PIP5K1B: variants seen among roughly 807,000 people sequenced by gnomAD.
The protein encoded by PIP5K1B is phosphatidylinositol-4-phosphate 5-kinase type 1 beta, also known as phosphatidylinositol 4-phosphate 5-kinase type-1 beta.
In PIP5K1B, 42 loss-of-function variants were observed where a neutral mutation model predicts 67.0. That is an observed-to-expected ratio of 0.63 (90% CI 0.49 to 0.81). The LOEUF is 0.81. PIP5K1B is among the 30% of genes least tolerant of loss of function. PIP5K1B has a pLI of 0.00. For missense variants in PIP5K1B, 459 were observed against 646.3 expected, an observed-to-expected ratio of 0.71 and a Z score of 3.14; for synonymous variants, 214 against 231.4, an observed-to-expected ratio of 0.92 and a Z score of 0.68.
At position 68,705,606 on chromosome 9, in the gene PIP5K1B, C is replaced by T. The variant is rs1041123346; in HGVS notation, c.-399C>T. The T allele has an allele frequency of 1.4e-5, 2 of 144,262 alleles. No homozygotes were observed. The highest frequency in any genetic ancestry group is 3.1e-5 in the Non-Finnish European group (2 of 64,646). The allele number at this position is 144,262 out of a possible 1,614,324, so 8.9% of individuals were successfully genotyped here. A position where few individuals can be genotyped will look rare whatever the true frequency, so the allele number is the denominator to read the frequency against. Reference sequence around the variant, plus strand: ...GCGTTGCCCCCGGCCCCGGCCCCGCCCGCCGCCCCCTCCGCCCTCCCGCCC... The same window carrying T: ...GCGTTGCCCCCGGCCCCGGCCCCGCTCGCCGCCCCCTCCGCCCTCCCGCCC... On this transcript the variant is annotated 5_prime_UTR_variant, in exon 1 of 16. Transcript: ENST00000265382.
chr9:68,760,696 C>T (rs1830146118), intron 2 of PIP5K1B, among the ~76,000 whole-genome samples: 4 of 152,048 alleles, frequency 2.6e-5, no homozygotes, highest in African/African-American at 9.7e-5. Context: ...AGACTGTAAG[C>T]TCCTTGAGTC....
intron 14 of PIP5K1B, among the ~76,000 whole-genome samples, chr9:68,988,695 C>T (rs1337915651): frequency 2.6e-5 from 4 of 152,040 alleles, no homozygotes; most frequent in Admixed American, 6.5e-5. Flanking sequence ...AGATGATCTG[C>T]CCGCCTTGGC....
At chr9:68,735,481 C>T (rs560256534) in intron 1 of PIP5K1B, among the ~76,000 whole-genome samples, 8 of 152,068 alleles carry the variant, frequency 5.3e-5, no homozygotes, top group East Asian at 1.9e-4. Context: ...CTCTGACTCC[C>T]GGGTTCAAGC....
intron 14 of PIP5K1B, among the ~76,000 whole-genome samples, chr9:68,984,866 A>G (rs1050111344): frequency 2.0e-5 from 3 of 152,202 alleles, no homozygotes; most frequent in Admixed American, 2.0e-4. Context: ...GCAATGACAA[A>G]TTTCTAAAAT....
chr9:68,835,880 A>T (rs1242698674), intron 4 of PIP5K1B, among the ~76,000 whole-genome samples: 1 of 150,836 alleles, frequency 6.6e-6, no homozygotes, highest in East Asian at 1.9e-4. Flanking sequence ...AATAAAAACG[A>T]CAAATTTTCT....
At chr9:68,812,180 G>A (rs914251451) in intron 2 of PIP5K1B, among the ~76,000 whole-genome samples, 2 of 152,236 alleles carry the variant, frequency 1.3e-5, no homozygotes, top group African/African-American at 2.4e-5. Flanking sequence ...GACTTTATAG[G>A]ACACTTACAA....
At chr9:68,929,374 C>T (rs1391991971) in intron 12 of PIP5K1B, among the ~76,000 whole-genome samples, 1 of 152,036 alleles carries the variant, frequency 6.6e-6, no homozygotes, top group Non-Finnish European at 1.5e-5. Context: ...CCATTCACTC[C>T]CTCTTCTGGC....
chr9:68,920,773 G>C (rs12343531), intron 11 of PIP5K1B, among the ~76,000 whole-genome samples: 15,258 of 146,680 alleles, frequency 0.1, 1,837 homozygotes, highest in African/African-American at 0.3. Context: ...CTGTCTCTCT[G>C]TCTCTCTCTC....
At chr9:68,967,505 T>G (rs1382628375) in intron 14 of PIP5K1B, among the ~76,000 whole-genome samples, 1 of 152,120 alleles carries the variant, frequency 6.6e-6, no homozygotes, top group Admixed American at 6.5e-5. Flanking sequence ...TAAGAATTAG[T>G]TCACATAATC....
At chr9:68,780,033 C>A in intron 2 of PIP5K1B, 2 of 1,253,844 alleles carry the variant, frequency 1.6e-6, no homozygotes, top group Admixed American at 3.5e-5. Context: ...GCGCGAAGGG[C>A]TACGCATGCG....
intron 2 of PIP5K1B, among the ~76,000 whole-genome samples, chr9:68,806,145 A>G (rs961386527): frequency 3.9e-5 from 6 of 152,218 alleles, no homozygotes; most frequent in African/African-American, 1.2e-4. Flanking sequence ...AGCCTAGTTC[A>G]AGTGTCCCTC....
intron 13 of PIP5K1B, among the ~76,000 whole-genome samples, chr9:68,939,225 T>C (rs1587694944): frequency 6.6e-6 from 1 of 152,302 alleles, no homozygotes; most frequent in East Asian, 1.9e-4. Flanking sequence ...CCTCATGGGT[T>C]GAGGGGTCAC....
chr9:68,763,019 C>G (rs542219552), intron 2 of PIP5K1B, among the ~76,000 whole-genome samples: 2 of 152,106 alleles, frequency 1.3e-5, no homozygotes, highest in South Asian at 4.1e-4. Flanking sequence ...GATTCACAAA[C>G]AGACTCATGT....
At chr9:68,977,124 C>T (rs895069137) in intron 14 of PIP5K1B, among the ~76,000 whole-genome samples, 3 of 152,150 alleles carry the variant, frequency 2.0e-5, no homozygotes, top group African/African-American at 7.2e-5. Context: ...GATATGAGCT[C>T]TAGGAAGGGA....
At chr9:68,761,373 TACTC>T (rs1220780623) in intron 2 of PIP5K1B, among the ~76,000 whole-genome samples, 1 of 152,220 alleles carries the variant, frequency 6.6e-6, no homozygotes, top group African/African-American at 2.4e-5. Flanking sequence ...GGGGAAGAAA[TACTC>T]ACATGCTTTA....
chr9:68,711,194 G>A (rs529650026), intron 1 of PIP5K1B, among the ~76,000 whole-genome samples: 75 of 152,338 alleles, frequency 4.9e-4, no homozygotes, highest in Admixed American at 2.4e-3. Context: ...TCCTTGCTTC[G>A]TAGACAGACT....
At chr9:68,824,290 G>T (rs545944593) in intron 4 of PIP5K1B, 1 of 516,476 alleles carries the variant, frequency 1.9e-6, no homozygotes, top group African/African-American at 1.9e-5. Flanking sequence ...ATCCTTTGTC[G>T]CTGCAAAAGT....
intron 2 of PIP5K1B, chr9:68,782,376 C>T (rs1831340151): frequency 6.0e-6 from 1 of 166,926 alleles, no homozygotes; most frequent in Non-Finnish European, 1.5e-5. Flanking sequence ...TTTTCTTTAC[C>T]TTTACAATTA....
rs144920724 is a variant in PIP5K1B at position 68,769,309 on chromosome 9, A to C, written c.-86+26652A>C. On this transcript the variant is annotated intron_variant, in intron 2 of 15. Transcript: ENST00000265382. Reference sequence around the variant, plus strand: ...TGAGCCTTTCAATTTTACATTTTCCAAGAGCAAATTAAGTAGGAAAAATGG... The same window carrying C: ...TGAGCCTTTCAATTTTACATTTTCCCAGAGCAAATTAAGTAGGAAAAATGG... 2.0e-4 allele frequency among the ~76,000 whole-genome samples: 30 copies of C among 152,344 alleles called. No individual in the cohort carries two copies. The East Asian group carries it at 5.4e-3, about 27-fold the overall frequency.
Sources: allele counts gnomAD v4.1 joint callset (sites outside exome capture counted in the v4.1 genomes callset), GRCh38; gene constraint gnomAD v4.1.1; transcripts MANE v1.5; gene names NCBI Gene and HGNC (gene_info 2026-07-23, HGNC 2026-07-21).